SNX4: variants seen among roughly 807,000 people sequenced by gnomAD.
SNX4 encodes the protein sorting nexin 4.
In SNX4, 49 loss-of-function variants were observed where a neutral mutation model predicts 70.8. The observed-to-expected ratio is 0.69, with a 90% CI of 0.55 to 0.88. The LOEUF (loss-of-function observed/expected upper bound fraction) is 0.88. Ranked by LOEUF, SNX4 falls within the 40% of genes least tolerant of loss-of-function variation. SNX4 has a pLI of 0.00. For missense variants in SNX4, 528 were observed against 544.8 expected (o/e 0.97, Z 0.31); for synonymous variants, 206 against 183.8 (o/e 1.12, Z -0.98).
chr3:125,495,250 T>TTATATATATATATGTATATATATA lies in SNX4; in HGVS notation c.597+2090_597+2091insTATATATATACATATATATATATA, dbSNP rs1934758437. On this transcript the variant is annotated intron_variant, in intron 5 of 13. Coordinates refer to ENST00000251775, the MANE Select transcript of SNX4 (RefSeq NM_003794.4). ...GAAATGTGATACACTCATTCTCTCT[T>TTATATATATATATGTATATATATA]TATATATATATATATATATATATAT... Among the ~76,000 whole-genome samples, 2 of 38,162 alleles carry TTATATATATATATGTATATATATA rather than the reference T, an allele frequency of 5.2e-5. 1 individual carries two copies. Among genetic ancestry groups the TTATATATATATATGTATATATATA allele is most frequent in the Non-Finnish European group, 1.2e-4 (2 of 16,256 alleles). 25.0% of individuals were successfully genotyped at this position (38,162 alleles called of 152,430 possible).
chr3:125,490,827 TAGA>T (rs1934643862), intron 5 of SNX4, among the ~76,000 whole-genome samples: 1 of 151,058 alleles, frequency 6.6e-6, no homozygotes, highest in Non-Finnish European at 1.5e-5. Context: ...CTAACCAAGG[TAGA>T]AGAACTATTA....
chr3:125,502,923 T>TG (rs1934963413), intron 2 of SNX4, among the ~76,000 whole-genome samples: 1 of 97,838 alleles, frequency 1.0e-5, no homozygotes, highest in Admixed American at 1.0e-4. Flanking sequence ...GGTAGTTTTT[T>TG]TTTTTTTTCT....
At chr3:125,495,634 C>T (rs933000385) in intron 5 of SNX4, among the ~76,000 whole-genome samples, 7 of 152,166 alleles carry the variant, frequency 4.6e-5, no homozygotes, top group Admixed American at 1.3e-4. Flanking sequence ...ATTCAAGGCA[C>T]TGGTAAATAG....
At chr3:125,454,027 A>C in intron 11 of SNX4, 72 bp from the exon 12 acceptor site, 7 of 1,312,290 alleles carry the variant, frequency 5.3e-6, no homozygotes, top group Non-Finnish European at 7.5e-6. Context: ...ATGGAACATT[A>C]TTCAGCCTTT....
intron 8 of SNX4, among the ~76,000 whole-genome samples, chr3:125,473,018 A>G (rs1446979056): frequency 6.9e-6 from 1 of 145,312 alleles, no homozygotes; most frequent in Non-Finnish European, 1.5e-5. Flanking sequence ...GCACTTTTGA[A>G]AAAAAAAAAT....
At chr3:125,491,699 C>A (rs1294737660) in intron 5 of SNX4, among the ~76,000 whole-genome samples, 11 of 152,206 alleles carry the variant, frequency 7.2e-5, no homozygotes, top group African/African-American at 2.7e-4. Context: ...CCCCATTCAA[C>A]ACCTAAAGAT....
At chr3:125,500,034 T>C (rs1000190564) in intron 2 of SNX4, among the ~76,000 whole-genome samples, 2 of 151,224 alleles carry the variant, frequency 1.3e-5, no homozygotes, top group African/African-American at 4.9e-5. Flanking sequence ...CACTCCAGCC[T>C]GGGCAACAAG....
chr3:125,495,844 T>C (rs1934782404), intron 5 of SNX4, among the ~76,000 whole-genome samples: 1 of 152,236 alleles, frequency 6.6e-6, no homozygotes, highest in African/African-American at 2.4e-5. Context: ...GCTTTTAACA[T>C]ATCAAACTAT....
At chr3:125,484,963 G>A (rs920900079) in intron 6 of SNX4, among the ~76,000 whole-genome samples, 1 of 152,162 alleles carries the variant, frequency 6.6e-6, no homozygotes, top group Non-Finnish European at 1.5e-5. Flanking sequence ...CTACTTGGGA[G>A]GCTGAGGCAG....
intron 2 of SNX4, among the ~76,000 whole-genome samples, chr3:125,504,240 G>C (rs1934993436): frequency 6.6e-6 from 1 of 151,830 alleles, no homozygotes; most frequent in Non-Finnish European, 1.5e-5. Flanking sequence ...GGCTAAGGCA[G>C]GAGAATCGCT....
At chr3:125,482,174 T>C (rs1258817720) in intron 6 of SNX4, among the ~76,000 whole-genome samples, 1 of 152,216 alleles carries the variant, frequency 6.6e-6, no homozygotes, top group East Asian at 1.9e-4. Flanking sequence ...AGCTTCACGA[T>C]TATGATCTAC....
intron 1 of SNX4, among the ~76,000 whole-genome samples, chr3:125,512,003 C>T (rs1438619625): frequency 6.6e-6 from 1 of 152,110 alleles, no homozygotes; most frequent in Non-Finnish European, 1.5e-5. Flanking sequence ...AGAGCCAACC[C>T]AGTGGGTTGA....
At chr3:125,483,035 G>C (rs1040090374) in intron 6 of SNX4, among the ~76,000 whole-genome samples, 1 of 151,876 alleles carries the variant, frequency 6.6e-6, no homozygotes, top group Non-Finnish European at 1.5e-5. Context: ...ACAGGAATGA[G>C]ACTTTTCACT....
At chr3:125,497,801 A>G in intron 4 of SNX4, 33 bp downstream of exon 4, 10 of 1,437,590 alleles carry the variant, frequency 7.0e-6, no homozygotes, top group Non-Finnish European at 9.4e-6. Flanking sequence ...AATTAAATGA[A>G]TATTTTACTA....
chr3:125,465,653 A>T (rs116576854), intron 9 of SNX4, among the ~76,000 whole-genome samples: 10,185 of 150,060 alleles, frequency 0.068, 462 homozygotes, highest in Non-Finnish European at 0.1. Flanking sequence ...TTTTTATTTT[A>T]TTTTTTTGAG....
At chr3:125,514,558 A>T (rs564251718) in intron 1 of SNX4, among the ~76,000 whole-genome samples, 13 of 152,052 alleles carry the variant, frequency 8.5e-5, no homozygotes, top group African/African-American at 2.9e-4. Flanking sequence ...TGCCTGGCTA[A>T]TTTTCATATT....
chr3:125,473,313 C>T (rs921272704), intron 8 of SNX4, among the ~76,000 whole-genome samples: 2 of 152,136 alleles, frequency 1.3e-5, no homozygotes, highest in East Asian at 3.8e-4. Flanking sequence ...TCCTCTTATT[C>T]CTAGATCACT....
intron 6 of SNX4, among the ~76,000 whole-genome samples, chr3:125,483,110 A>G (rs1934452389): frequency 6.6e-6 from 1 of 150,950 alleles, no homozygotes; most frequent in Admixed American, 6.6e-5. Flanking sequence ...TATATTATGT[A>G]CTCCAAAACA....
chr3:125,518,865 T>G (rs1935334309), intron 1 of SNX4, among the ~76,000 whole-genome samples: 1 of 151,412 alleles, frequency 6.6e-6, no homozygotes, highest in Non-Finnish European at 1.5e-5. Flanking sequence ...AAAAAAAATT[T>G]AGCTGGGAGT....
Sources: gnomAD v4.1 joint callset for allele counts (sites outside exome capture counted in the v4.1 genomes callset) on GRCh38, gnomAD v4.1.1 for gene constraint, MANE v1.5 for transcripts, NCBI Gene and HGNC (gene_info 2026-07-23, HGNC 2026-07-21) for gene names.